The following CUX1 variants were observed in gnomAD, a reference collection of about 807,000 sequenced individuals.
CUX1 encodes the protein cut like homeobox 1, also known as protein CASP.
A neutral mutation model predicts 158.8 loss-of-function variants in CUX1; 31 were observed. The ratio of observed to expected loss-of-function variants is 0.20; its 90% CI spans 0.15 to 0.26. The LOEUF is 0.26. Ranked by LOEUF, CUX1 falls within the 10% of genes least tolerant of loss-of-function variation. CUX1 has a pLI of 1.00. For missense variants in CUX1, 1,589 were observed against 2,014.6 expected (o/e 0.79, Z 4.04); for synonymous variants, 879 against 862.1 (o/e 1.02, Z -0.34).
At chr7:102,034,688 G>A (rs1821205795) in intron 3 of CUX1, among the ~76,000 whole-genome samples, 1 of 149,116 alleles carries the variant, frequency 6.7e-6, no homozygotes, top group Admixed American at 6.8e-5. Context: ...GTGAGTCAGA[G>A]GTTGCAGTGA....
intron 2 of CUX1, among the ~76,000 whole-genome samples, chr7:101,954,060 G>T (rs565831418): frequency 1.3e-5 from 2 of 152,190 alleles, no homozygotes; most frequent in East Asian, 3.9e-4. Context: ...GCATGGTGGT[G>T]CACACCTGTA....
intron 2 of CUX1, among the ~76,000 whole-genome samples, chr7:102,014,542 C>T (rs766729199): frequency 1.3e-5 from 2 of 152,108 alleles, no homozygotes; most frequent in East Asian, 1.9e-4. Context: ...GCTGCAGTGA[C>T]GTTAGGTCCG....
intron 2 of CUX1, among the ~76,000 whole-genome samples, chr7:101,992,079 C>T (rs1815209854): frequency 6.6e-6 from 1 of 152,128 alleles, no homozygotes; most frequent in South Asian, 2.1e-4. Flanking sequence ...GCCAAGTGGC[C>T]AAGGTCACAT....
At chr7:101,868,759 G>C (rs1798180041) in intron 1 of CUX1, among the ~76,000 whole-genome samples, 1 of 152,244 alleles carries the variant, frequency 6.6e-6, no homozygotes, top group Admixed American at 6.5e-5. Flanking sequence ...TGTAGGGAGT[G>C]ATGGAGAGAG....
At chr7:102,224,167 G>A (rs1223807614) in intron 20 of CUX1, among the ~76,000 whole-genome samples, 2 of 152,144 alleles carry the variant, frequency 1.3e-5, no homozygotes, top group Non-Finnish European at 2.9e-5. Context: ...CTATCTCCCA[G>A]GAAGAGCATG....
chr7:102,086,610 T>G (rs1201833492), intron 4 of CUX1, among the ~76,000 whole-genome samples: 1 of 151,860 alleles, frequency 6.6e-6, no homozygotes. Context: ...AATGGCTTTT[T>G]TCGTTGTTTT....
At chr7:102,062,871 G>A (rs983016071) in intron 3 of CUX1, among the ~76,000 whole-genome samples, 57 of 152,042 alleles carry the variant, frequency 3.7e-4, no homozygotes, top group African/African-American at 1.3e-3. Flanking sequence ...TTGGGAGGCC[G>A]AGGCGGGCGG....
chr7:102,209,325 G>T (rs1287317972), intron 20 of CUX1, among the ~76,000 whole-genome samples: 2 of 152,164 alleles, frequency 1.3e-5, no homozygotes, highest in African/African-American at 2.4e-5. Context: ...CTAAGAATCC[G>T]AGCATGGGGG....
intron 3 of CUX1, among the ~76,000 whole-genome samples, chr7:102,030,689 G>GTGTTTTTTTGTTTTTGTTTTTTGTTTTT (rs1554459453): frequency 3.6e-5 from 3 of 82,542 alleles, no homozygotes; most frequent in African/African-American, 1.6e-4. Flanking sequence ...ATTTTAAAAA[G>GTGTTTTTTTGTTTTTGTTTTTTGTTTTT]TGTTTTTTTT....
At chr7:102,032,831 T>C (rs951854457) in intron 3 of CUX1, among the ~76,000 whole-genome samples, 4 of 152,194 alleles carry the variant, frequency 2.6e-5, no homozygotes, top group Non-Finnish European at 4.4e-5. Context: ...AGCAAATTGA[T>C]GGGTGGTGTG....
chr7:102,058,902 C>G (rs1421510140), intron 3 of CUX1, among the ~76,000 whole-genome samples: 3 of 152,168 alleles, frequency 2.0e-5, no homozygotes, highest in African/African-American at 7.2e-5. Context: ...TGGAATAGAA[C>G]ATAGCCTAGC....
chr7:101,872,844 G>GT (rs1798715970), intron 1 of CUX1, among the ~76,000 whole-genome samples: 2 of 151,622 alleles, frequency 1.3e-5, no homozygotes, highest in Non-Finnish European at 2.9e-5. Flanking sequence ...TAATCATTTG[G>GT]GTATCCTTTT....
At chr7:101,862,127 G>GAGTGGAGTT (rs1350998922) in intron 1 of CUX1, among the ~76,000 whole-genome samples, 1 of 152,170 alleles carries the variant, frequency 6.6e-6, no homozygotes, top group East Asian at 1.9e-4. Context: ...GAGCCACTGT[G>GAGTGGAGTT]CCCGGCCACC....
intron 10 of CUX1, among the ~76,000 whole-genome samples, chr7:102,175,682 T>TC (rs1475505802): frequency 3.3e-5 from 5 of 151,432 alleles, no homozygotes; most frequent in Non-Finnish European, 7.4e-5. Flanking sequence ...GCCCACCCAT[T>TC]CCCCCCTCCT....
intron 9 of CUX1, among the ~76,000 whole-genome samples, chr7:102,166,201 G>A (rs1332642431): frequency 6.6e-6 from 1 of 152,174 alleles, no homozygotes; most frequent in African/African-American, 2.4e-5. Context: ...TTCTGCCATC[G>A]TGGTCTGGGT....
chr7:102,087,735 T>C (rs1316000798), intron 4 of CUX1, among the ~76,000 whole-genome samples: 2 of 152,236 alleles, frequency 1.3e-5, no homozygotes, highest in Non-Finnish European at 2.9e-5. Flanking sequence ...CTACCTATAC[T>C]ACAACGCTAT....
In CUX1 at chr7:102,090,284, G is replaced by T. The variant is rs1828409115; in HGVS notation, c.269-7080G>T. On this transcript the variant is annotated intron_variant, in intron 4 of 23. Coordinates refer to ENST00000292535, the MANE Select transcript of CUX1 (RefSeq NM_181552.4). Reference sequence around the variant, plus strand: ...AGAGTGTTTTGGATTTGGGATTTTTGAATTAGGGATATTCAGCTTGTACTA... The same window carrying T: ...AGAGTGTTTTGGATTTGGGATTTTTTAATTAGGGATATTCAGCTTGTACTA... Among the ~76,000 whole-genome samples the T allele has an allele frequency of 2.0e-5, 3 of 151,856 alleles. No homozygotes were observed. The South Asian group carries it at 6.2e-4, about 32-fold the overall frequency.
intron 2 of CUX1, among the ~76,000 whole-genome samples, chr7:102,003,441 G>A (rs182568206): frequency 1.3e-3 from 196 of 152,304 alleles, no homozygotes; most frequent in Non-Finnish European, 2.4e-3. Context: ...CTCAGAAGGT[G>A]ACCAGAGCAG....
rs1182453795 is a variant in CUX1 at position 102,249,197 on chromosome 7, C to T, written c.*155C>T. The T allele has an allele frequency of 3.6e-6, 4 of 1,117,078 alleles. No individual in the cohort carries two copies. Among genetic ancestry groups the T allele is most frequent in the Non-Finnish European group, 4.4e-6 (4 of 912,362 alleles). 69.2% of individuals were successfully genotyped at this position (1,117,078 alleles called of 1,614,324 possible). A position where few individuals can be genotyped will look rare whatever the true frequency, so the allele number is the denominator to read the frequency against. ...GAGCCCGCAGCCCAGACCCCCTCCA[C>T]GGTCCGCGGCCTGCACCGACCCGAG... is the stretch of plus-strand genomic sequence containing the variant. On this transcript the variant is annotated 3_prime_UTR_variant, in exon 24 of 24. Transcript: ENST00000292535.
Sources: gnomAD v4.1 joint callset for allele counts (sites outside exome capture counted in the v4.1 genomes callset) on GRCh38, gnomAD v4.1.1 for gene constraint, MANE v1.5 for transcripts, NCBI Gene and HGNC (gene_info 2026-07-23, HGNC 2026-07-21) for gene names.